CDH4: variants seen among roughly 807,000 people sequenced by gnomAD.
CDH4 encodes the protein cadherin-4.
A neutral mutation model predicts 86.0 loss-of-function variants in CDH4; 33 were observed. The observed-to-expected ratio is 0.38, with a 90% CI of 0.29 to 0.51. The LOEUF is 0.51. CDH4 is among the 20% of genes least tolerant of loss of function. The pLI, the probability that CDH4 is intolerant of heterozygous loss-of-function variation, is 0.86. For synonymous variants in CDH4, 555 were observed against 549.4 expected (o/e 1.01, Z -0.14); for missense variants, 1,114 against 1,307.4 (o/e 0.85, Z 2.28).
chr20:61,878,623 G>A (rs893528164), intron 7 of CDH4, among the ~76,000 whole-genome samples: 9 of 152,146 alleles, frequency 5.9e-5, no homozygotes, highest in Admixed American at 3.9e-4. Context: ...TCCCTCCCCA[G>A]ACATGGAGAG....
At chr20:61,691,020 T>C (rs975804946) in intron 2 of CDH4, among the ~76,000 whole-genome samples, 8 of 152,190 alleles carry the variant, frequency 5.3e-5, no homozygotes, top group Non-Finnish European at 1.0e-4. Context: ...ACTCACAGAA[T>C]GATTTTAGCA....
intron 2 of CDH4, among the ~76,000 whole-genome samples, chr20:61,491,362 A>G (rs1405096341): frequency 6.6e-6 from 1 of 152,160 alleles, no homozygotes; most frequent in Non-Finnish European, 1.5e-5. Flanking sequence ...ACAGAGCTCT[A>G]GCCCCGAGCA....
Position 61,661,093 on chromosome 20 carries a change from G to C in CDH4, c.170-82470G>C, listed in dbSNP as rs553000674. Reference sequence around the variant, plus strand: ...TGGACAGGAGGCATGGCGGGGGGGGGGGAGACACAGTGCCAGGCTCATGCC... The same window carrying C: ...TGGACAGGAGGCATGGCGGGGGGGGCGGAGACACAGTGCCAGGCTCATGCC... On this transcript the variant is annotated intron_variant, in intron 2 of 15. Coordinates refer to ENST00000614565, the MANE Select transcript of CDH4 (RefSeq NM_001794.5). 1.4e-3 allele frequency among the ~76,000 whole-genome samples: 142 copies of C among 101,944 alleles called. 4 individuals carry two copies. Among genetic ancestry groups the C allele is most frequent in the Middle Eastern group, 5.2e-3 (1 of 192 alleles). The allele number at this position is 101,944 out of a possible 152,430, so 66.9% of individuals were successfully genotyped here.
intron 2 of CDH4, among the ~76,000 whole-genome samples, chr20:61,299,297 G>C (rs1447237591): frequency 6.6e-6 from 1 of 152,190 alleles, no homozygotes; most frequent in African/African-American, 2.4e-5. Context: ...CACAGCCCCA[G>C]ATGGTGAGGG....
chr20:61,566,832 G>A (rs1042900279), intron 2 of CDH4, among the ~76,000 whole-genome samples: 27 of 152,190 alleles, frequency 1.8e-4, no homozygotes, highest in Middle Eastern at 6.8e-3. Context: ...TCCGGGCTGC[G>A]CCTCCTCGGG....
chr20:61,791,032 C>G (rs1342174011), intron 4 of CDH4, among the ~76,000 whole-genome samples: 1 of 152,268 alleles, frequency 6.6e-6, no homozygotes, highest in Non-Finnish European at 1.5e-5. Context: ...AGCCAGAACT[C>G]TGGCATAACC....
intron 4 of CDH4, among the ~76,000 whole-genome samples, chr20:61,835,259 C>G (rs1981815517): frequency 6.6e-6 from 1 of 152,126 alleles, no homozygotes; most frequent in East Asian, 1.9e-4. Flanking sequence ...TCTTTAAAGA[C>G]AGGGTATGTT....
intron 8 of CDH4, among the ~76,000 whole-genome samples, chr20:61,895,523 C>A (rs1394194292): frequency 6.6e-6 from 1 of 152,176 alleles, no homozygotes; most frequent in Admixed American, 6.5e-5. Flanking sequence ...AGTGACCATT[C>A]ACTGAATGTT....
At chr20:61,310,768 C>T (rs1006114761) in intron 2 of CDH4, among the ~76,000 whole-genome samples, 1 of 152,168 alleles carries the variant, frequency 6.6e-6, no homozygotes, top group African/African-American at 2.4e-5. Context: ...GCTCTGTGGC[C>T]TGCAGATCCT....
intron 7 of CDH4, among the ~76,000 whole-genome samples, chr20:61,885,915 T>C (rs377580218): frequency 4.5e-4 from 68 of 152,204 alleles, no homozygotes; most frequent in African/African-American, 1.6e-3. Flanking sequence ...GGGGAGTGTG[T>C]GGTCCAGGAG....
At chr20:61,873,943 G>C (rs1183349877) in intron 7 of CDH4, 43 bp downstream of exon 7, 1 of 1,599,326 alleles carries the variant, frequency 6.3e-7, no homozygotes, top group Admixed American at 1.7e-5. Flanking sequence ...TGAGCTCCTG[G>C]TCCCCGCAGG....
intron 2 of CDH4, among the ~76,000 whole-genome samples, chr20:61,622,939 A>C (rs1269091125): frequency 6.6e-6 from 1 of 152,182 alleles, no homozygotes; most frequent in Non-Finnish European, 1.5e-5. Flanking sequence ...ATGGGTGCTC[A>C]CTGAGGGCCC....
intron 8 of CDH4, among the ~76,000 whole-genome samples, chr20:61,904,033 C>G (rs2054759278): frequency 6.6e-6 from 1 of 152,244 alleles, no homozygotes; most frequent in African/African-American, 2.4e-5. Context: ...TTGGAGGCAT[C>G]TGAGTGGCCG....
chr20:61,287,792 G>T (rs917198769), intron 2 of CDH4, among the ~76,000 whole-genome samples: 2 of 152,134 alleles, frequency 1.3e-5, no homozygotes, highest in African/African-American at 4.8e-5. Context: ...CGTGAGTCCC[G>T]CACAGGAAGC....
At chr20:61,744,980 T>A (rs1207908878) in intron 3 of CDH4, among the ~76,000 whole-genome samples, 3 of 152,200 alleles carry the variant, frequency 2.0e-5, no homozygotes, top group Non-Finnish European at 4.4e-5. Flanking sequence ...AGCCTGCAGG[T>A]CCAGCTGTTG....
chr20:61,547,222 TTGCCCCC>T (rs1568887296), intron 2 of CDH4, among the ~76,000 whole-genome samples: 1 of 103,100 alleles, frequency 9.7e-6, no homozygotes, highest in Admixed American at 1.1e-4. Context: ...TTTTTTTTTT[TTGCCCCC>T]TGAGACGGAG....
intron 2 of CDH4, among the ~76,000 whole-genome samples, chr20:61,466,401 C>A (rs537824113): frequency 6.6e-6 from 1 of 152,132 alleles, no homozygotes; most frequent in Non-Finnish European, 1.5e-5. Flanking sequence ...GTAATAAGAT[C>A]GTGCATAGCA....
intron 3 of CDH4, among the ~76,000 whole-genome samples, chr20:61,750,266 C>G (rs969750671): frequency 6.6e-6 from 1 of 152,138 alleles, no homozygotes; most frequent in African/African-American, 2.4e-5. Flanking sequence ...TAAACTGCAA[C>G]TAATCCTTAT....
chr20:61,286,479 T>C (rs1346699390), intron 2 of CDH4, among the ~76,000 whole-genome samples: 2 of 152,216 alleles, frequency 1.3e-5, no homozygotes, highest in African/African-American at 4.8e-5. Flanking sequence ...GTTCTTTCCA[T>C]GCTACTTAGT....
Sources: allele counts gnomAD v4.1 joint callset (sites outside exome capture counted in the v4.1 genomes callset), GRCh38; gene constraint gnomAD v4.1.1; transcripts MANE v1.5; gene names NCBI Gene and HGNC (gene_info 2026-07-23, HGNC 2026-07-21).